Variants in EEF1A1 observed in about 807,000 individuals in gnomAD.
The protein encoded by EEF1A1 is eukaryotic translation elongation factor 1 alpha 1, also known as elongation factor 1-alpha 1.
A neutral mutation model predicts 38.5 loss-of-function variants in EEF1A1; 1 was observed. The ratio of observed to expected loss-of-function variants is 0.03; its 90% CI spans 0.01 to 0.12. The LOEUF is 0.12. Among genes scored for constraint, EEF1A1 ranks in the 10% least tolerant of loss-of-function variants. EEF1A1 has a pLI of 1.00. For synonymous variants in EEF1A1, 229 were observed against 203.7 expected (o/e 1.12, Z -1.06); for missense variants, 184 against 588.3 (o/e 0.31, Z 7.11).
Position 73,518,274 on chromosome 6 carries a change from A to C in EEF1A1, c.1030-10T>G. On this transcript the variant is annotated splice_polypyrimidine_tract_variant and intron_variant, in intron 6 of 7. Transcript: ENST00000309268. Reference sequence around the variant, plus strand: ...GGTTCAGGATAATCACCTTGGAAAAAAGATTTGCATTCAGTGCAAATCCAA... The same window carrying C: ...GGTTCAGGATAATCACCTTGGAAAACAGATTTGCATTCAGTGCAAATCCAA... 3 of 1,611,328 alleles carry C rather than the reference A, an allele frequency of 1.9e-6. No homozygotes were observed. The highest frequency in any genetic ancestry group is 2.5e-6 in the Non-Finnish European group (3 of 1,178,262).
intron 1 of EEF1A1, chr6:73,520,266 AATCG>A: frequency 2.1e-6 from 1 of 465,420 alleles, no homozygotes; most frequent in East Asian, 4.0e-5. Flanking sequence ...CTCGAGAACT[AATCG>A]AGGTGCCTGG....
At chr6:73,520,359 C>T in intron 1 of EEF1A1, 1 of 193,004 alleles carries the variant, frequency 5.2e-6, no homozygotes, top group Middle Eastern at 2.1e-3. Context: ...GTGGGTGACT[C>T]ACCCGCCCGC....
At position 73,519,417 on chromosome 6, in the gene EEF1A1, T is replaced by C; in HGVS notation, c.244A>G (p.Thr82Ala). The C allele has an allele frequency of 1.2e-6, 2 of 1,607,888 alleles. No homozygotes were observed. Among genetic ancestry groups the C allele is most frequent in the Non-Finnish European group, 8.5e-7 (1 of 1,179,696 alleles). Residue 82 changes from threonine to alanine, a missense_variant, in exon 3 of 8, where the codon ACC (threonine) becomes GCC (alanine). Thr to Ala is a moderately conservative substitution (Grantham distance 58). Around this residue, in one of 3 missense-constraint regions of EEF1A1, gnomAD observed 57 missense variants for 228.1 expected, o/e 0.25. Transcript: ENST00000309268. ...TIDISLWKFETSKYYVTIIDA... is the reference protein window; with the variant it reads ...TIDISLWKFEASKYYVTIIDA... ...ATGATAGTCACATAGTACTTGCTGG[T>C]CTCAAATTTCCACAAGGAGATATCA...
In EEF1A1 at chr6:73,520,112, G is replaced by C. The variant is rs1765615002; in HGVS notation, c.-30-56C>G. 3 of 1,503,012 alleles carry C rather than the reference G, an allele frequency of 2.0e-6. No homozygotes were observed. In the East Asian group the frequency reaches 6.8e-5, roughly 34 times the overall value. 93.1% of individuals were successfully genotyped at this position (1,503,012 alleles called of 1,614,324 possible). A position where few individuals can be genotyped will look rare whatever the true frequency, so the allele number is the denominator to read the frequency against. On this transcript the variant is annotated intron_variant, in intron 1 of 7. Transcript: ENST00000309268. Reference sequence around the variant, plus strand: ...TGTCTGAGGCTTGAGAATGAACCAAGATCCAAACTCAAAAAGGGCAAATTC... The same window carrying C: ...TGTCTGAGGCTTGAGAATGAACCAACATCCAAACTCAAAAAGGGCAAATTC...
Position 73,517,954 on chromosome 6 carries a change from T to G in EEF1A1, c.1265-20A>C. 6.2e-7 allele frequency: 1 copy of G among 1,613,856 alleles called. No individual in the cohort carries two copies. The highest frequency in any genetic ancestry group is 8.5e-7 in the Non-Finnish European group (1 of 1,179,950). ...AGCGACCTATTAAAAAAAAAGTTAA[T>G]TATTACCCAAAGTACTGTTCAGTTG... is the stretch of plus-strand genomic sequence containing the variant. On this transcript the variant is annotated intron_variant, in intron 7 of 7. Transcript: ENST00000309268.
intron 1 of EEF1A1, 107 bp from the exon 2 acceptor site, chr6:73,520,163 G>A (rs566780946): frequency 5.4e-6 from 6 of 1,117,890 alleles, no homozygotes; most frequent in Non-Finnish European, 7.5e-6. Flanking sequence ...CAAGTGCCAA[G>A]CTGGCCTAAC....
chr6:73,519,853 TG>T lies in EEF1A1; in HGVS notation c.144+29del, dbSNP rs766531459. On this transcript the variant is annotated intron_variant, in intron 2 of 7. Transcript: ENST00000309268. Reference sequence around the variant, plus strand: ...TTCTGCTGGTAAAACTCATTTTAGTTGATCTTTCCCTTTCTGGTATTAAACA... The same window carrying T: ...TTCTGCTGGTAAAACTCATTTTAGTTATCTTTCCCTTTCTGGTATTAAACA... 3.1e-6 allele frequency: 5 copies of T among 1,611,224 alleles called. No individual in the cohort carries two copies. The South Asian group carries it at 3.3e-5, about 11-fold the overall frequency.
At position 73,518,860 on chromosome 6, in the gene EEF1A1, G is replaced by T. The variant is rs763482096; in HGVS notation, c.622-12C>A. The T allele has an allele frequency of 6.2e-7, 1 of 1,613,086 alleles. No individual in the cohort carries two copies. Among genetic ancestry groups the T allele is most frequent in the Non-Finnish European group, 8.5e-7 (1 of 1,179,136 alleles). ...TTGAACCAAGGCATCTGAAACACAA[G>T]CATGCCAATTTGTGTAAGCATGAAA... On this transcript the variant is annotated splice_polypyrimidine_tract_variant and intron_variant, in intron 4 of 7. Coordinates refer to ENST00000309268, the MANE Select transcript of EEF1A1 (RefSeq NM_001402.6).
Position 73,519,331 on chromosome 6 carries a change from A to G in EEF1A1, c.324+6T>C. ...AAAGAAACCTAGAATTATTAATCCC[A>G]CCAACCTGAGATGTCCCTGTAATCA... On this transcript the variant is annotated splice_donor_region_variant and intron_variant, in intron 3 of 7. Transcript: ENST00000309268. 1 of 1,543,530 alleles carries G rather than the reference A, an allele frequency of 6.5e-7. No homozygotes were observed. The highest frequency in any genetic ancestry group is 8.6e-7 in the Non-Finnish European group (1 of 1,160,274).
chr6:73,519,668 A>C (rs1765602416), intron 2 of EEF1A1, 152 bp from the exon 3 acceptor site: 1 of 1,158,146 alleles, frequency 8.6e-7, no homozygotes, highest in South Asian at 1.6e-5. Context: ...ACCAAAAATC[A>C]AACTTTTATA....
rs138533046 is a variant in EEF1A1 at position 73,516,972 on chromosome 6, A to G, written c.*838T>C. ...CTACTTCAAATTGCCATCTTTTTCT[A>G]TTAGAACCTTGTTCCTATTCTGAAT... On this transcript the variant is annotated 3_prime_UTR_variant, in exon 8 of 8. Transcript: ENST00000309268. 3 of 152,346 alleles carry G rather than the reference A, an allele frequency of 2.0e-5. No individual in the cohort carries two copies. The highest frequency in any genetic ancestry group is 4.4e-5 in the Non-Finnish European group (3 of 68,036). 9.4% of individuals were successfully genotyped at this position (152,346 alleles called of 1,614,324 possible).
intron 2 of EEF1A1, among the ~76,000 whole-genome samples, 160 bp downstream of exon 2, chr6:73,519,723 A>G (rs544715817): frequency 6.6e-6 from 1 of 152,342 alleles, no homozygotes; most frequent in Non-Finnish European, 1.5e-5. Flanking sequence ...CACTAGCAAT[A>G]CGATTACAGA....
chr6:73,518,657 C>G (rs760972520), intron 5 of EEF1A1, 41 bp downstream of exon 5: 1 of 1,612,988 alleles, frequency 6.2e-7, no homozygotes, highest in East Asian at 2.2e-5. Flanking sequence ...GCAGACAGTA[C>G]TCTATCAACT....
rs2351124 is a variant in EEF1A1, at chr6:73,518,244, T to G, written c.1050A>C (p.Pro350=). 190 of 1,614,190 alleles carry G rather than the reference T, an allele frequency of 1.2e-4. 3 individuals are homozygous for G. The South Asian group carries it at 2.0e-3, about 17-fold the overall frequency. Residue 350 remains proline, a synonymous_variant, in exon 7 of 8, where the codon CCA becomes CCC. Coordinates refer to ENST00000309268, the MANE Select transcript of EEF1A1 (RefSeq NM_001402.6). ...FTAQVIILNH[P]GQISAGYAPV... is the part of the protein sequence containing the mutation. ...GGGCATAGCCGGCGCTTATTTGGCC[T>G]GGATGGTTCAGGATAATCACCTTGG... is the stretch of plus-strand genomic sequence containing the variant.
rs887983776 is a variant in EEF1A1 at position 73,516,302 on chromosome 6, T to C, written c.*1508A>G. 6.6e-6 allele frequency: 1 copy of C among 152,236 alleles called. No homozygotes were observed. The highest frequency in any genetic ancestry group is 1.5e-5 in the Non-Finnish European group (1 of 68,060). 9.4% of individuals were successfully genotyped at this position (152,236 alleles called of 1,614,324 possible). On this transcript the variant is annotated 3_prime_UTR_variant, in exon 8 of 8. Coordinates refer to ENST00000309268, the MANE Select transcript of EEF1A1 (RefSeq NM_001402.6). ...TTATCTCTTGGGCTGCTTTAACTCC[T>C]GCTTAGCATGTCCTTAAGAACACAT...
At position 73,517,694 on chromosome 6, in the gene EEF1A1, G is replaced by C. The variant is rs1368733902; in HGVS notation, c.*116C>G. 1.8e-6 allele frequency: 1 copy of C among 568,006 alleles called. No individual in the cohort carries two copies. The highest frequency in any genetic ancestry group is 3.1e-6 in the Non-Finnish European group (1 of 326,790). 35.2% of individuals were successfully genotyped at this position (568,006 alleles called of 1,614,324 possible). ...CCTTCTGAAGGTTTTACGATGCATT[G>C]TTATCATTAACCAGTCTTTTACTAC... On this transcript the variant is annotated 3_prime_UTR_variant, in exon 8 of 8. Transcript: ENST00000309268.
rs1167270606 is a variant in EEF1A1, at chr6:73,517,205, G to A, written c.*605C>T. 1 of 152,214 alleles carries A rather than the reference G, an allele frequency of 6.6e-6. No individual in the cohort carries two copies. The highest frequency in any genetic ancestry group is 1.5e-5 in the Non-Finnish European group (1 of 68,070). The allele number at this position is 152,214 out of a possible 1,614,324, so 9.4% of individuals were successfully genotyped here. On this transcript the variant is annotated 3_prime_UTR_variant, in exon 8 of 8. Coordinates refer to ENST00000309268, the MANE Select transcript of EEF1A1 (RefSeq NM_001402.6). Reference sequence around the variant, plus strand: ...AATTTGGAAACATTTTGTTTCCAAAGATTCACTTAACATTGGTTTAGCAAC... The same window carrying A: ...AATTTGGAAACATTTTGTTTCCAAAAATTCACTTAACATTGGTTTAGCAAC...
chr6:73,519,416 G>C lies in EEF1A1; in HGVS notation c.245C>G (p.Thr82Ser), dbSNP rs761391281. The change falls in exon 3 of 8, where the codon ACC becomes AGC. Residue 82 changes from threonine (T) to serine (S), a missense_variant. Transcript: ENST00000309268. ...AATGATAGTCACATAGTACTTGCTG[G>C]TCTCAAATTTCCACAAGGAGATATC... ...TIDISLWKFETSKYYVTIIDA... is the reference protein window; with the variant it reads ...TIDISLWKFESSKYYVTIIDA... 2.5e-6 allele frequency: 4 copies of C among 1,608,056 alleles called. No individual in the cohort carries two copies. The highest frequency in any genetic ancestry group is 1.7e-5 in the Admixed American group (1 of 59,998).
At chr6:73,517,962 C>T in intron 7 of EEF1A1, 28 bp from the exon 8 acceptor site, 1 of 1,613,894 alleles carries the variant, frequency 6.2e-7, no homozygotes, top group Non-Finnish European at 8.5e-7. Flanking sequence ...AATTATTACC[C>T]AAAGTACTGT....
Sources: allele counts gnomAD v4.1 joint callset (sites outside exome capture counted in the v4.1 genomes callset), GRCh38; gene constraint gnomAD v4.1.1; regional missense constraint gnomAD v4.1.1; transcripts MANE v1.5; gene names NCBI Gene and HGNC (gene_info 2026-07-23, HGNC 2026-07-21).